UFL1: variants seen among roughly 807,000 people sequenced by gnomAD.
UFL1 encodes the protein E3 UFM1-protein ligase 1.
Under a neutral mutation model 99.3 loss-of-function variants are expected in UFL1, and 78 were observed. That is an observed-to-expected ratio of 0.79 (90% CI 0.65 to 0.95). The LOEUF is 0.95. UFL1 is among the 40% of genes least tolerant of loss of function. The pLI is 0.00. For missense variants in UFL1, 936 were observed against 937.0 expected, an observed-to-expected ratio of 1.00 and a Z score of 0.01; for synonymous variants, 335 against 322.2, an observed-to-expected ratio of 1.04 and a Z score of -0.42.
Position 96,537,669 on chromosome 6 carries a change from T to C in UFL1, c.978+120T>C. On this transcript the variant is annotated intron_variant, in intron 9 of 18. Coordinates refer to ENST00000369278, the MANE Select transcript of UFL1 (RefSeq NM_015323.5). ...TCTTGGCTTTGGAGGCAAATTCTAA[T>C]CATTGTTATAACAAAAATAATCTTT... The C allele has an allele frequency of 6.3e-6, 6 of 947,722 alleles. No homozygotes were observed. The South Asian group carries it at 1.2e-4, about 19-fold the overall frequency. 58.7% of individuals were successfully genotyped at this position (947,722 alleles called of 1,614,324 possible).
chr6:96,525,943 A>G (rs1244543046), intron 4 of UFL1, among the ~76,000 whole-genome samples: 9 of 152,000 alleles, frequency 5.9e-5, no homozygotes, highest in Non-Finnish European at 8.8e-5. Flanking sequence ...AAAATTAGCC[A>G]AATGTGGTGG....
At chr6:96,540,398 G>T in intron 10 of UFL1, 137 bp from the exon 11 acceptor site, 2 of 1,136,756 alleles carry the variant, frequency 1.8e-6, no homozygotes, top group Non-Finnish European at 2.4e-6. Context: ...TTGCCTTAGA[G>T]TGACAGCTCT....
intron 10 of UFL1, among the ~76,000 whole-genome samples, 156 bp downstream of exon 10, chr6:96,538,966 TTTATTTTTTCTC>T (rs1769893261): frequency 6.6e-6 from 1 of 151,712 alleles, no homozygotes; most frequent in South Asian, 2.1e-4. Flanking sequence ...GTCTCCCAGA[TTTATTTTTTCTC>T]TTATTCCCAT....
intron 5 of UFL1, 76 bp downstream of exon 5, chr6:96,526,511 A>C: frequency 9.2e-7 from 1 of 1,081,606 alleles, no homozygotes; most frequent in South Asian, 1.4e-5. Context: ...GGAAGGGGGA[A>C]AAAAAAATGA....
intron 12 of UFL1, among the ~76,000 whole-genome samples, chr6:96,544,029 A>ATTGAT (rs1362294650): frequency 6.6e-6 from 1 of 151,108 alleles, no homozygotes; most frequent in Non-Finnish European, 1.5e-5. Context: ...AATTTTTCCT[A>ATTGAT]TTGATTATTA....
In UFL1 at chr6:96,551,926, A is replaced by G. The variant is rs375215335; in HGVS notation, c.1985+3A>G. The G allele has an allele frequency of 7.8e-5, 123 of 1,582,050 alleles. No homozygotes were observed. In the African/African-American group the frequency reaches 1.5e-3, roughly 20 times the overall value. On this transcript the variant is annotated splice_donor_region_variant and intron_variant, in intron 17 of 18. Transcript: ENST00000369278. ...AGGGGAGACAAAAAAAGGGAAAGGT[A>G]ACATTAAATTAATCTATATTTGGAA...
At position 96,526,509 on chromosome 6, in the gene UFL1, G is replaced by GA; in HGVS notation, c.465+83dup. ...AAACGAAGACTTTGAATGGAAGGGG[G>GA]AAAAAAAAATGAGACTTCCTCACCA... On this transcript the variant is annotated intron_variant, in intron 5 of 18. Coordinates refer to ENST00000369278, the MANE Select transcript of UFL1 (RefSeq NM_015323.5). The GA allele has an allele frequency of 5.8e-6, 7 of 1,209,030 alleles. No individual in the cohort carries two copies. In the African/African-American group the frequency reaches 7.8e-5, roughly 13 times the overall value. The allele number at this position is 1,209,030 out of a possible 1,614,324, so 74.9% of individuals were successfully genotyped here.
At chr6:96,526,516 A>G (rs886521741) in intron 5 of UFL1, 81 bp downstream of exon 5, 11 of 1,076,010 alleles carry the variant, frequency 1.0e-5, no homozygotes, top group Admixed American at 6.4e-5. Context: ...GGGGAAAAAA[A>G]AATGAGACTT....
chr6:96,523,432 C>A, intron 2 of UFL1, 141 bp downstream of exon 2: 1 of 952,356 alleles, frequency 1.1e-6, no homozygotes, highest in Non-Finnish European at 1.5e-6. Context: ...GATAATCAGG[C>A]TTAATATTTT....
At chr6:96,534,811 G>A (rs567904329) in intron 7 of UFL1, among the ~76,000 whole-genome samples, 1 of 151,764 alleles carries the variant, frequency 6.6e-6, no homozygotes, top group African/African-American at 2.4e-5. Context: ...GGGAGGTTTT[G>A]AGGGTTTTTT....
intron 12 of UFL1, among the ~76,000 whole-genome samples, chr6:96,543,924 CATT>C (rs571982061): frequency 2.8e-4 from 42 of 151,112 alleles, no homozygotes; most frequent in Non-Finnish European, 2.2e-4. Context: ...AAATTATAAA[CATT>C]AGTTTTATTT....
At position 96,536,356 on chromosome 6, in the gene UFL1, GGTGGATT is replaced by G; in HGVS notation, c.769_775del (p.Val257ProfsTer9). On this transcript the variant is annotated frameshift_variant, in exon 8 of 19. Coordinates refer to ENST00000369278, the MANE Select transcript of UFL1 (RefSeq NM_015323.5). LOFTEE classifies it high-confidence loss of function. ...TCTACTCCAGGACACAGAGTACTTG[GGTGGATT>G]CCTTTTTCAGGCAGAATGGCTATCT... 3 of 1,606,948 alleles carry G rather than the reference GGTGGATT, an allele frequency of 1.9e-6. No individual in the cohort carries two copies. In the South Asian group the frequency reaches 3.3e-5, roughly 18 times the overall value.
At chr6:96,523,967 C>T (rs372392355) in intron 2 of UFL1, among the ~76,000 whole-genome samples, 2 of 151,752 alleles carry the variant, frequency 1.3e-5, no homozygotes, top group Non-Finnish European at 2.9e-5. Context: ...ATTTGAATTA[C>T]TTAACAGATT....
chr6:96,535,177 G>A (rs1769835466), intron 7 of UFL1, among the ~76,000 whole-genome samples: 1 of 151,882 alleles, frequency 6.6e-6, no homozygotes, highest in African/African-American at 2.4e-5. Flanking sequence ...GAGAAATCCG[G>A]ACTTTTTTGA....
intron 5 of UFL1, 69 bp downstream of exon 5, chr6:96,526,504 A>AG (rs925888443): frequency 4.9e-5 from 58 of 1,187,744 alleles, no homozygotes; most frequent in Admixed American, 1.2e-4. Context: ...TTTGAATGGA[A>AG]GGGGGAAAAA....
At position 96,548,268 on chromosome 6, in the gene UFL1, G is replaced by C; in HGVS notation, c.1507G>C (p.Glu503Gln). The C allele has an allele frequency of 6.3e-7, 1 of 1,583,960 alleles. No individual in the cohort carries two copies. The highest frequency in any genetic ancestry group is 1.4e-5 in the African/African-American group (1 of 73,478). Residue 503 changes from glutamate to glutamine, a missense_variant, in exon 13 of 19, where the codon GAG becomes CAG. Coordinates refer to ENST00000369278, the MANE Select transcript of UFL1 (RefSeq NM_015323.5). ...TGAGGAGTTTATTTCGGAACTTGCTGAGTACTTAATAAAGCAAGTATAAAA... is the reference window on the plus strand; with the variant it reads ...TGAGGAGTTTATTTCGGAACTTGCTCAGTACTTAATAAAGCAAGTATAAAA... Reference protein sequence around the residue: ...APEEFISELAEYLIKPLNKTY... With the variant: ...APEEFISELAQYLIKPLNKTY...
At chr6:96,529,737 G>C (rs1181930243) in intron 6 of UFL1, among the ~76,000 whole-genome samples, 1 of 152,168 alleles carries the variant, frequency 6.6e-6, no homozygotes, top group Non-Finnish European at 1.5e-5. Flanking sequence ...GGCAGCCACA[G>C]TGATTTCCCT....
rs1335311887 is a variant in UFL1 at position 96,554,766 on chromosome 6, T to C, written c.*1263T>C. 6.6e-6 allele frequency: 1 copy of C among 152,578 alleles called. No individual in the cohort carries two copies. Among genetic ancestry groups the C allele is most frequent in the Non-Finnish European group, 1.5e-5 (1 of 68,000 alleles). The allele number at this position is 152,578 out of a possible 1,614,324, so 9.5% of individuals were successfully genotyped here. A position where few individuals can be genotyped will look rare whatever the true frequency, so the allele number is the denominator to read the frequency against. ...TAATTAAATTGCCAACTTGGCATTA[T>C]TATTAAACTTGATAGGAACGCAACA... is the stretch of plus-strand genomic sequence containing the variant. On this transcript the variant is annotated 3_prime_UTR_variant, in exon 19 of 19. Coordinates refer to ENST00000369278, the MANE Select transcript of UFL1 (RefSeq NM_015323.5).
intron 2 of UFL1, 47 bp from the exon 3 acceptor site, chr6:96,524,333 GTA>G: frequency 2.6e-6 from 4 of 1,530,032 alleles, no homozygotes; most frequent in Non-Finnish European, 3.5e-6. Context: ...CTTTGGGTTG[GTA>G]TGTACGCATA....
Sources: gnomAD v4.1 joint callset for allele counts (sites outside exome capture counted in the v4.1 genomes callset) on GRCh38, gnomAD v4.1.1 for gene constraint, MANE v1.5 for transcripts, NCBI Gene and HGNC (gene_info 2026-07-23, HGNC 2026-07-21) for gene names.